Variants in ANKRD12 observed in about 807,000 individuals in gnomAD.
ANKRD12 encodes ankyrin repeat domain 12.
A neutral mutation model predicts 183.4 loss-of-function variants in ANKRD12; 85 were observed. The observed-to-expected ratio is 0.46, with a 90% CI of 0.39 to 0.56. The LOEUF is 0.56. Ranked by LOEUF, ANKRD12 falls within the 20% of genes least tolerant of loss-of-function variation. The pLI is 0.00. For synonymous variants in ANKRD12, 914 were observed against 800.2 expected (o/e 1.14, Z -2.40); for missense variants, 2,405 against 2,357.1 (o/e 1.02, Z -0.42).
rs11310603 is a variant in ANKRD12, at chr18:9,186,137, A to ATTTTTTT, written c.87+3633_87+3639dup. 3.9e-5 allele frequency among the ~76,000 whole-genome samples: 5 copies of ATTTTTTT among 126,762 alleles called. 1 individual carries two copies. Among genetic ancestry groups the ATTTTTTT allele is most frequent in the Non-Finnish European group, 5.0e-5 (3 of 59,744 alleles). The allele number at this position is 126,762 out of a possible 152,430, so 83.2% of individuals were successfully genotyped here. ...TGAATATTGCCCTCCTAAAAGTGTG[A>ATTTTTTT]TTTTTTTTTTTTTTTTTTTTTGAGA... On this transcript the variant is annotated intron_variant, in intron 2 of 12. Transcript: ENST00000262126.
chr18:9,272,578 AAG>A (rs1462032949), intron 10 of ANKRD12, among the ~76,000 whole-genome samples: 3 of 152,000 alleles, frequency 2.0e-5, no homozygotes, highest in African/African-American at 7.2e-5. Context: ...AAAAAGAAAA[AAG>A]AAAAAGTTAT....
intron 1 of ANKRD12, among the ~76,000 whole-genome samples, chr18:9,149,176 T>C (rs72935253): frequency 0.074 from 11,250 of 152,278 alleles, 436 homozygotes; most frequent in African/African-American, 0.084. Context: ...AACTAAATTG[T>C]CTTTTTTCTG....
Position 9,255,849 on chromosome 18 carries a change from G to A in ANKRD12, c.2582G>A (p.Ser861Asn). 1.3e-6 allele frequency: 2 copies of A among 1,585,318 alleles called. No homozygotes were observed. Among genetic ancestry groups the A allele is most frequent in the Non-Finnish European group, 1.7e-6 (2 of 1,172,352 alleles). ...TCAGAAAAAGACAAATTAGATCTTAGTGAATGTGTTGATAAAATAAAAGAA... is the reference window on the plus strand; with the variant it reads ...TCAGAAAAAGACAAATTAGATCTTAATGAATGTGTTGATAAAATAAAAGAA... ...HKSEKDKLDLSECVDKIKEKD... is the reference protein window; with the variant it reads ...HKSEKDKLDLNECVDKIKEKD... The change falls in exon 9 of 13, where the codon AGT (serine) becomes AAT (asparagine). Residue 861 changes from serine to asparagine, a missense_variant. This residue lies in a region of ANKRD12 where 1,983 missense variants were observed against 1,725.9 expected (regional missense o/e 1.15). Transcript: ENST00000262126.
At chr18:9,240,774 C>A (rs1465891481) in intron 8 of ANKRD12, among the ~76,000 whole-genome samples, 7 of 152,178 alleles carry the variant, frequency 4.6e-5, no homozygotes, top group Admixed American at 2.0e-4. Flanking sequence ...CTAGAGCTCA[C>A]TGAAGACAGA....
intron 8 of ANKRD12, among the ~76,000 whole-genome samples, chr18:9,245,305 G>T (rs981557268): frequency 1.3e-5 from 2 of 151,190 alleles, no homozygotes; most frequent in African/African-American, 2.4e-5. Context: ...AAAAAAATTA[G>T]CCAAGCTTGG....
intron 2 of ANKRD12, among the ~76,000 whole-genome samples, chr18:9,193,691 C>T (rs1019274165): frequency 1.3e-5 from 2 of 152,000 alleles, no homozygotes; most frequent in Non-Finnish European, 2.9e-5. Context: ...TATTTTTCAT[C>T]TTGGGTTGAA....
rs2039803402 is a variant in ANKRD12 at position 9,275,788 on chromosome 18, A to G, written c.5907+121A>G. On this transcript the variant is annotated intron_variant, in intron 11 of 12. Coordinates refer to ENST00000262126, the MANE Select transcript of ANKRD12 (RefSeq NM_015208.5). ...ACAATCATTAAAGGTCAAAGAAGAA[A>G]AAAAACTCTTTCAAGCCAGAGTACT... 18 of 1,025,358 alleles carry G rather than the reference A, an allele frequency of 1.8e-5. No homozygotes were observed. The South Asian group carries it at 2.1e-4, about 12-fold the overall frequency. The allele number at this position is 1,025,358 out of a possible 1,614,324, so 63.5% of individuals were successfully genotyped here.
chr18:9,149,357 T>G (rs1341121624), intron 1 of ANKRD12, among the ~76,000 whole-genome samples: 1 of 152,224 alleles, frequency 6.6e-6, no homozygotes, highest in African/African-American at 2.4e-5. Context: ...CATCACAGAC[T>G]TAATTCATTT....
chr18:9,244,508 A>G (rs2037842324), intron 8 of ANKRD12, among the ~76,000 whole-genome samples: 1 of 152,172 alleles, frequency 6.6e-6, no homozygotes, highest in Non-Finnish European at 1.5e-5. Flanking sequence ...TTGATTAAAA[A>G]AAATCCAGAA....
At chr18:9,155,952 T>G (rs2030360450) in intron 1 of ANKRD12, among the ~76,000 whole-genome samples, 1 of 152,034 alleles carries the variant, frequency 6.6e-6, no homozygotes, top group Non-Finnish European at 1.5e-5. Context: ...CTGGCCAACA[T>G]GATGAAACCG....
At chr18:9,239,501 T>A (rs1441608582) in intron 8 of ANKRD12, 7 of 1,285,876 alleles carry the variant, frequency 5.4e-6, no homozygotes, top group Non-Finnish European at 7.1e-6. Context: ...ACATGGTGAA[T>A]GTGCCTGAAT....
At chr18:9,267,908 A>T (rs1345124319) in intron 10 of ANKRD12, among the ~76,000 whole-genome samples, 1 of 152,202 alleles carries the variant, frequency 6.6e-6, no homozygotes, top group Non-Finnish European at 1.5e-5. Context: ...GAGAAGAATC[A>T]AGTAGACGCA....
intron 12 of ANKRD12, among the ~76,000 whole-genome samples, chr18:9,280,616 C>A (rs1490472863): frequency 3.3e-5 from 5 of 152,082 alleles, no homozygotes; most frequent in Non-Finnish European, 7.4e-5. Flanking sequence ...TGGTGAAACC[C>A]CATCTCTAAG....
intron 8 of ANKRD12, chr18:9,239,354 A>T (rs1472343964): frequency 3.5e-5 from 7 of 200,956 alleles, no homozygotes; most frequent in Non-Finnish European, 6.6e-5. Context: ...CCCACGGAAG[A>T]AGGGAGGTAT....
intron 1 of ANKRD12, among the ~76,000 whole-genome samples, chr18:9,141,783 A>G (rs2078324646): frequency 6.6e-6 from 1 of 151,854 alleles, no homozygotes; most frequent in Admixed American, 6.6e-5. Flanking sequence ...CATAACTGGG[A>G]AAAAATAACA....
intron 1 of ANKRD12, among the ~76,000 whole-genome samples, chr18:9,181,874 G>A (rs968797671): frequency 6.6e-6 from 1 of 152,192 alleles, no homozygotes; most frequent in Non-Finnish European, 1.5e-5. Flanking sequence ...AAGTATATCA[G>A]TGAGTAGTTT....
Position 9,263,778 on chromosome 18 carries a change from C to A in ANKRD12, c.5665-12C>A, listed in dbSNP as rs537996373. 2.6e-6 allele frequency: 4 copies of A among 1,527,670 alleles called. No individual in the cohort carries two copies. Among genetic ancestry groups the A allele is most frequent in the South Asian group, 1.2e-5 (1 of 80,212 alleles). The allele number at this position is 1,527,670 out of a possible 1,614,324, so 94.6% of individuals were successfully genotyped here. On this transcript the variant is annotated splice_polypyrimidine_tract_variant and intron_variant, in intron 9 of 12. Coordinates refer to ENST00000262126, the MANE Select transcript of ANKRD12 (RefSeq NM_015208.5). ...ACCTAATATTTTAAACTATATATAT[C>A]TTTTTAATTAGATTACACCACCACC...
At chr18:9,237,274 A>T (rs1391763235) in intron 8 of ANKRD12, among the ~76,000 whole-genome samples, 1 of 152,238 alleles carries the variant, frequency 6.6e-6, no homozygotes, top group Non-Finnish European at 1.5e-5. Flanking sequence ...TCAAAATGAT[A>T]CATGGATGGG....
At chr18:9,140,219 A>G (rs1000339791) in intron 1 of ANKRD12, among the ~76,000 whole-genome samples, 1 of 152,240 alleles carries the variant, frequency 6.6e-6, no homozygotes, top group Non-Finnish European at 1.5e-5. Context: ...CACATTGTAC[A>G]CTGTAAACTT....
Sources: allele counts gnomAD v4.1 joint callset (sites outside exome capture counted in the v4.1 genomes callset), GRCh38; gene constraint gnomAD v4.1.1; regional missense constraint gnomAD v4.1.1; transcripts MANE v1.5; gene names NCBI Gene and HGNC (gene_info 2026-07-23, HGNC 2026-07-21).